The following CHODL variants were observed in gnomAD, a reference collection of about 807,000 sequenced individuals.
CHODL encodes the protein transmembrane protein MT75.
Under a neutral mutation model 34.5 loss-of-function variants are expected in CHODL, and 29 were observed. The observed-to-expected ratio is 0.84, with a 90% CI of 0.63 to 1.15. The LOEUF is 1.15. Among genes scored for constraint, CHODL ranks in the 50% most tolerant of loss-of-function variants. The probability of loss-of-function intolerance (pLI) is 0.00; values close to 1 mark genes in which losing one functional copy is unlikely to be tolerated. For missense variants in CHODL, 332 were observed against 332.5 expected (o/e 1.00, Z 0.01); for synonymous variants, 125 against 116.1 (o/e 1.08, Z -0.49).
rs2063494289 is a variant in CHODL, at chr21:17,956,393, G to C, written c.-145+38993G>C. Among the ~76,000 whole-genome samples the C allele has an allele frequency of 2.2e-5, 3 of 136,332 alleles. 1 individual carries two copies. The highest frequency in any genetic ancestry group is 7.5e-5 in the African/African-American group (3 of 39,826). The allele number at this position is 136,332 out of a possible 152,430, so 89.4% of individuals were successfully genotyped here. ...AGCAGATGCTAGCACTATGCTTCCT[G>C]CACAGCCTCCAGAACTGTGAGCTAA... On this transcript the variant is annotated intron_variant, in intron 1 of 6. Transcript: ENST00000400127.
intron 2 of CHODL, among the ~76,000 whole-genome samples, chr21:18,177,260 G>T (rs774353219): frequency 6.6e-6 from 1 of 152,012 alleles, no homozygotes; most frequent in Non-Finnish European, 1.5e-5. Flanking sequence ...GCAGGCATTA[G>T]TAAACCTATT....
upstream of CHODL, among the ~76,000 whole-genome samples, chr21:18,240,304 G>A (rs1321055189): frequency 6.6e-6 from 1 of 152,026 alleles, no homozygotes; most frequent in Admixed American, 6.6e-5. Context: ...ATGAACATTA[G>A]GAAAGTTTAT....
At chr21:18,054,118 A>G (rs185823987) in intron 2 of CHODL, among the ~76,000 whole-genome samples, 39 of 151,922 alleles carry the variant, frequency 2.6e-4, no homozygotes, top group African/African-American at 9.2e-4. Flanking sequence ...AGTTTTTCAG[A>G]ATTGCAGTAA....
intron 1 of CHODL, among the ~76,000 whole-genome samples, chr21:17,957,680 G>A (rs2063502873): frequency 6.6e-6 from 1 of 150,716 alleles, no homozygotes; most frequent in African/African-American, 2.4e-5. Context: ...AAGAGATGAT[G>A]GTTCAAGAAA....
intron 1 of CHODL, among the ~76,000 whole-genome samples, chr21:18,006,413 G>A (rs114382960): frequency 0.015 from 2,200 of 151,444 alleles, 53 homozygotes; most frequent in African/African-American, 0.05. Flanking sequence ...TTCCACCCCA[G>A]ATGGAAACTA....
At chr21:18,005,800 G>T (rs923453308) in intron 1 of CHODL, among the ~76,000 whole-genome samples, 10 of 152,104 alleles carry the variant, frequency 6.6e-5, no homozygotes, top group Non-Finnish European at 1.2e-4. Flanking sequence ...ATGGACACAT[G>T]GGGGGAAACA....
rs572038820 is a variant in CHODL at position 18,166,343 on chromosome 21, G to A, written c.-44-90166G>A. Among the ~76,000 whole-genome samples, 8 of 152,220 alleles carry A rather than the reference G, an allele frequency of 5.3e-5. No homozygotes were observed. In the South Asian group the frequency reaches 1.7e-3, roughly 32 times the overall value. ...GCCTCATTTGGAGGATCTTCCTTTT[G>A]ATTAACTTAAAATCAACTGACTAGT... On this transcript the variant is annotated intron_variant, in intron 2 of 6. Transcript: ENST00000400127.
chr21:17,957,508 T>C (rs11910771), intron 1 of CHODL, among the ~76,000 whole-genome samples: 3,610 of 152,220 alleles, frequency 0.024, 149 homozygotes, highest in African/African-American at 0.082. Flanking sequence ...GTTGTTGTAA[T>C]GTTATGAAGA....
chr21:18,177,682 T>A (rs181688775), intron 2 of CHODL, among the ~76,000 whole-genome samples: 12 of 152,260 alleles, frequency 7.9e-5, no homozygotes, highest in South Asian at 6.2e-4. Flanking sequence ...GAGTTAGGTT[T>A]CTTTAGGTTA....
chr21:18,206,359 C>A (rs1432249671), intron 2 of CHODL, among the ~76,000 whole-genome samples: 1 of 152,170 alleles, frequency 6.6e-6, no homozygotes, highest in Non-Finnish European at 1.5e-5. Flanking sequence ...TGTCCTCTTG[C>A]TGAATTGACC....
intron 1 of CHODL, 68 bp downstream of exon 1, chr21:18,245,370 T>A: frequency 7.4e-7 from 1 of 1,348,380 alleles, no homozygotes; most frequent in Non-Finnish European, 9.9e-7. Context: ...GCGGGCAGCC[T>A]GTTCTCGGGC....
At chr21:17,976,047 A>G (rs1032072338) in intron 1 of CHODL, among the ~76,000 whole-genome samples, 2 of 152,120 alleles carry the variant, frequency 1.3e-5, no homozygotes, top group Non-Finnish European at 2.9e-5. Flanking sequence ...CTTTGTTAAT[A>G]TGACGAAACT....
intron 2 of CHODL, among the ~76,000 whole-genome samples, chr21:18,184,265 C>G (rs2073414981): frequency 1.3e-5 from 2 of 152,020 alleles, no homozygotes; most frequent in African/African-American, 4.8e-5. Flanking sequence ...TTGAAAGTTT[C>G]TTTTATATAA....
At chr21:18,131,310 G>C (rs1318099978) in intron 2 of CHODL, among the ~76,000 whole-genome samples, 1 of 151,920 alleles carries the variant, frequency 6.6e-6, no homozygotes, top group Non-Finnish European at 1.5e-5. Flanking sequence ...ATATAAATCT[G>C]GGGGGGACAC....
intron 2 of CHODL, among the ~76,000 whole-genome samples, chr21:18,094,116 G>A (rs1250652353): frequency 6.6e-6 from 1 of 152,000 alleles, no homozygotes; most frequent in Non-Finnish European, 1.5e-5. Context: ...ACTGTAAGAA[G>A]AGACAAAAAA....
intron 1 of CHODL, among the ~76,000 whole-genome samples, chr21:18,016,087 A>G (rs1278644682): frequency 6.6e-6 from 1 of 152,234 alleles, no homozygotes; most frequent in East Asian, 1.9e-4. Flanking sequence ...TAAGTAAAGA[A>G]CAGCCGAATA....
intron 2 of CHODL, among the ~76,000 whole-genome samples, chr21:18,172,571 AT>A (rs368208061): frequency 1.6e-3 from 167 of 104,526 alleles, no homozygotes; most frequent in African/African-American, 6.9e-3. Context: ...AGATTCAGCC[AT>A]TTTTTTTTTA....
rs2063336099 is a variant in CHODL, at chr21:17,938,496, G to GTTTTTTTTTTTTTTTTTTTTT, written c.-145+21096_-145+21097insTTTTTTTTTTTTTTTTTTTTT. ...TTTTTTTTTTTTTTTTTTTTTTTAA[G>GTTTTTTTTTTTTTTTTTTTTT]GAAAGGGAGTCTCGCTCCATCGCCC... On this transcript the variant is annotated intron_variant, in intron 1 of 6. Coordinates refer to the CHODL transcript ENST00000400127. 2.5e-4 allele frequency among the ~76,000 whole-genome samples: 11 copies of GTTTTTTTTTTTTTTTTTTTTT among 43,682 alleles called. 4 individuals carry two copies. The highest frequency in any genetic ancestry group is 1.0e-3 in the African/African-American group (11 of 10,956). 28.7% of individuals were successfully genotyped at this position (43,682 alleles called of 152,430 possible).
intron 2 of CHODL, among the ~76,000 whole-genome samples, chr21:18,238,931 A>G (rs1192468215): frequency 6.6e-6 from 1 of 152,166 alleles, no homozygotes; most frequent in African/African-American, 2.4e-5. Flanking sequence ...CATGACTAAG[A>G]CATTCATGAT....
Sources: allele counts gnomAD v4.1 joint callset (sites outside exome capture counted in the v4.1 genomes callset), GRCh38; gene constraint gnomAD v4.1.1; transcripts MANE v1.5; gene names NCBI Gene and HGNC (gene_info 2026-07-23, HGNC 2026-07-21).